Variants in NBAS observed in about 807,000 individuals in gnomAD.
NBAS encodes NBAS subunit of NRZ tethering complex, also known as NAG/BC035112 fusion.
NBAS carries 219 observed loss-of-function variants against 302.5 expected under a neutral mutation model. That is an observed-to-expected ratio of 0.72 (90% CI 0.65 to 0.81). NBAS has a LOEUF of 0.81. Ranked by LOEUF, NBAS falls within the 30% of genes least tolerant of loss-of-function variation. NBAS has a pLI of 0.00. For missense variants in NBAS, 2,932 were observed against 2,841.6 expected, an observed-to-expected ratio of 1.03 and a Z score of -0.72; for synonymous variants, 1,118 against 1,021.6, an observed-to-expected ratio of 1.09 and a Z score of -1.80.
At chr2:14,837,010 A>G in the NBAS span, among the ~76,000 whole-genome samples, 1 of 151,828 alleles carries the variant, frequency 6.6e-6, no homozygotes, top group African/African-American at 2.4e-5. Context: ...TGGATTTTCT[A>G]TTAGCAACCT....
intron 44 of NBAS, among the ~76,000 whole-genome samples, chr2:15,245,608 AGGATGGAT>A (rs57408257): frequency 0.012 from 1,754 of 148,144 alleles, 28 homozygotes; most frequent in African/African-American, 0.036. Context: ...GTTGAATGGA[AGGATGGAT>A]GGATGGATGG....
chr2:15,368,960 G>A (rs978915561), intron 31 of NBAS, among the ~76,000 whole-genome samples: 4 of 152,112 alleles, frequency 2.6e-5, no homozygotes, highest in South Asian at 2.1e-4. Context: ...CAGCACAATC[G>A]TAAAAACTCA....
At chr2:15,022,199 A>G in the NBAS span, among the ~76,000 whole-genome samples, 6 of 152,200 alleles carry the variant, frequency 3.9e-5, no homozygotes, top group African/African-American at 1.4e-4. Flanking sequence ...AAGGGGGACA[A>G]TAACAGCTTC....
the NBAS span, among the ~76,000 whole-genome samples, chr2:14,785,592 CT>C: frequency 6.6e-6 from 1 of 152,074 alleles, no homozygotes; most frequent in Non-Finnish European, 1.5e-5. Context: ...TGGTTTTTGT[CT>C]TTGGTTCTGT....
At chr2:15,470,419 G>A (rs1444433343) in intron 16 of NBAS, among the ~76,000 whole-genome samples, 1 of 152,146 alleles carries the variant, frequency 6.6e-6, no homozygotes, top group Non-Finnish European at 1.5e-5. Flanking sequence ...AAATATCAGT[G>A]CCAGCAAACT....
the NBAS span, among the ~76,000 whole-genome samples, chr2:15,072,954 C>A: frequency 6.6e-6 from 1 of 151,964 alleles, no homozygotes; most frequent in Non-Finnish European, 1.5e-5. Context: ...CATGCAGAAA[C>A]CCTGTCTCTA....
At chr2:15,166,860 G>A, downstream of NBAS, 1 of 622,128 alleles carries the variant, frequency 1.6e-6, no homozygotes, top group Non-Finnish European at 2.5e-6. Flanking sequence ...AAGAAAATAT[G>A]TTCACCACTC....
chr2:15,222,250 G>A (rs1040694823), intron 47 of NBAS, among the ~76,000 whole-genome samples: 10 of 152,148 alleles, frequency 6.6e-5, no homozygotes, highest in African/African-American at 2.4e-4. Flanking sequence ...AAAAATGTAT[G>A]GGCTGGGGCA....
At chr2:15,535,523 GAAATAAATAAAT>G (rs58852086) in intron 8 of NBAS, among the ~76,000 whole-genome samples, 14 of 99,786 alleles carry the variant, frequency 1.4e-4, no homozygotes, top group East Asian at 8.6e-4. Flanking sequence ...CTCCGTCTCA[GAAATAAATAAAT>G]AAATAAATAA....
At chr2:15,399,044 T>C (rs1352003030) in intron 26 of NBAS, among the ~76,000 whole-genome samples, 1 of 152,212 alleles carries the variant, frequency 6.6e-6, no homozygotes, top group Admixed American at 6.5e-5. Context: ...AAAAAGTTTT[T>C]AATATCATCA....
the NBAS span, among the ~76,000 whole-genome samples, chr2:14,803,137 G>T: frequency 1.3e-5 from 2 of 152,186 alleles, no homozygotes; most frequent in African/African-American, 4.8e-5. Flanking sequence ...TAGTCTAGGA[G>T]TAAATTACTC....
At chr2:15,270,895 T>C (rs754010046) in intron 44 of NBAS, among the ~76,000 whole-genome samples, 6 of 152,184 alleles carry the variant, frequency 3.9e-5, no homozygotes, top group Non-Finnish European at 8.8e-5. Flanking sequence ...ACATATGGCA[T>C]CAGAAAATCA....
At chr2:15,492,622 A>G (rs1680907261) in intron 11 of NBAS, among the ~76,000 whole-genome samples, 1 of 151,886 alleles carries the variant, frequency 6.6e-6, no homozygotes, top group Admixed American at 6.6e-5. Flanking sequence ...ATGCCTGGCT[A>G]ACTTTTGTAT....
At chr2:14,785,552 G>T in the NBAS span, among the ~76,000 whole-genome samples, 1 of 152,120 alleles carries the variant, frequency 6.6e-6, no homozygotes, top group Non-Finnish European at 1.5e-5. Flanking sequence ...TTTGTCAAAG[G>T]CCTTTTCTGC....
chr2:15,445,069 A>G (rs1346602133), intron 21 of NBAS, among the ~76,000 whole-genome samples: 2 of 151,786 alleles, frequency 1.3e-5, no homozygotes, highest in Non-Finnish European at 2.9e-5. Context: ...ACTGTAAACT[A>G]GTTCAACCAC....
chr2:15,500,452 C>T (rs994413575), intron 11 of NBAS, among the ~76,000 whole-genome samples: 17 of 151,404 alleles, frequency 1.1e-4, no homozygotes, highest in South Asian at 8.3e-4. Context: ...CATAAATCCC[C>T]ACCCTCAAGA....
chr2:15,338,529 T>C (rs1672696855), intron 35 of NBAS, among the ~76,000 whole-genome samples: 1 of 152,230 alleles, frequency 6.6e-6, no homozygotes, highest in African/African-American at 2.4e-5. Context: ...TCATCTCATC[T>C]GCCAATTAGC....
chr2:15,206,923 G>A (rs1452753209), intron 48 of NBAS, among the ~76,000 whole-genome samples: 10 of 152,220 alleles, frequency 6.6e-5, no homozygotes, highest in Admixed American at 6.5e-4. Context: ...GCAATGCAGA[G>A]GGGAAATGTG....
the NBAS span, among the ~76,000 whole-genome samples, chr2:14,782,109 T>G: frequency 6.6e-6 from 1 of 152,140 alleles, no homozygotes; most frequent in Non-Finnish European, 1.5e-5. Context: ...TTTTTACCTT[T>G]CAAACCCAGG....
Sources: gnomAD v4.1 joint callset for allele counts (sites outside exome capture counted in the v4.1 genomes callset) on GRCh38, gnomAD v4.1.1 for gene constraint, MANE v1.5 for transcripts, NCBI Gene and HGNC (gene_info 2026-07-23, HGNC 2026-07-21) for gene names.